Variants in MCM3 observed in about 807,000 individuals in gnomAD.
The protein encoded by MCM3 is minichromosome maintenance complex component 3.
A neutral mutation model predicts 91.3 loss-of-function variants in MCM3; 59 were observed. The ratio of observed to expected loss-of-function variants is 0.65; its 90% CI spans 0.52 to 0.80. MCM3 has a LOEUF of 0.80. MCM3 is among the 30% of genes least tolerant of loss of function. The probability of loss-of-function intolerance (pLI) is 0.00; values close to 1 mark genes in which losing one functional copy is unlikely to be tolerated. For synonymous variants in MCM3, 383 were observed against 379.6 expected, an observed-to-expected ratio of 1.01 and a Z score of -0.10; for missense variants, 919 against 1,035.4, an observed-to-expected ratio of 0.89 and a Z score of 1.54.
intron 5 of MCM3, 42 bp downstream of exon 5, chr6:52,279,319 G>T: frequency 1.4e-6 from 2 of 1,480,298 alleles, no homozygotes; most frequent in Non-Finnish European, 1.9e-6. Context: ...AGAAATGGAA[G>T]CTGTCAACAG....
chr6:52,279,689 T>A, intron 4 of MCM3, 90 bp from the exon 5 acceptor site: 1 of 973,694 alleles, frequency 1.0e-6, no homozygotes. Flanking sequence ...GATGACTTCA[T>A]AAAATTTTAT....
intron 9 of MCM3, among the ~76,000 whole-genome samples, chr6:52,275,041 G>A (rs1765443926): frequency 6.6e-6 from 1 of 152,146 alleles, no homozygotes; most frequent in South Asian, 2.1e-4. Context: ...TAGGATTACA[G>A]GCATGAGACA....
intron 12 of MCM3, 57 bp downstream of exon 12, chr6:52,272,244 C>T: frequency 6.5e-7 from 1 of 1,543,804 alleles, no homozygotes; most frequent in Non-Finnish European, 8.8e-7. Flanking sequence ...ATAGCAGGGA[C>T]TCCTGCCCAG....
At chr6:52,281,760 G>A (rs559749104) in intron 4 of MCM3, among the ~76,000 whole-genome samples, 37 of 152,080 alleles carry the variant, frequency 2.4e-4, no homozygotes, top group African/African-American at 7.5e-4. Context: ...CTTGAGCCCC[G>A]GAGTTTGCAA....
chr6:52,271,984 AAG>A (rs1192303577), intron 12 of MCM3, among the ~76,000 whole-genome samples: 1 of 152,164 alleles, frequency 6.6e-6, no homozygotes, highest in African/African-American at 2.4e-5. Context: ...GCTCTTTGAA[AAG>A]AGTGTTTATT....
intron 10 of MCM3, 70 bp from the exon 11 acceptor site, chr6:52,273,426 A>T (rs1034947327): frequency 2.0e-6 from 3 of 1,510,062 alleles, no homozygotes; most frequent in Non-Finnish European, 2.7e-6. Context: ...CTTCTTCTAT[A>T]GCACAAGAAG....
intron 13 of MCM3, among the ~76,000 whole-genome samples, chr6:52,268,856 G>A (rs1764861160): frequency 1.3e-5 from 2 of 152,134 alleles, no homozygotes; most frequent in Admixed American, 6.5e-5. Context: ...GAATCTCTAG[G>A]AGCCCTGGAA....
At chr6:52,276,749 A>T (rs1342576226) in intron 8 of MCM3, among the ~76,000 whole-genome samples, 1 of 152,226 alleles carries the variant, frequency 6.6e-6, no homozygotes, top group African/African-American at 2.4e-5. Flanking sequence ...CTCAACCTCA[A>T]GTAATACCCC....
intron 16 of MCM3, chr6:52,265,108 G>A (rs561527783): frequency 2.6e-6 from 1 of 384,162 alleles, no homozygotes; most frequent in East Asian, 5.9e-5. Context: ...CCCATTTCTA[G>A]GAACTCACCT....
intron 4 of MCM3, among the ~76,000 whole-genome samples, chr6:52,280,387 C>A (rs986485123): frequency 6.6e-6 from 1 of 152,226 alleles, no homozygotes; most frequent in Non-Finnish European, 1.5e-5. Flanking sequence ...TGAGTGTTTG[C>A]TATGTGCCAG....
Position 52,279,443 on chromosome 6 carries a change from T to C in MCM3, c.688A>G (p.Lys230Glu), listed in dbSNP as rs1178461835. Residue 230 changes from lysine (K) to glutamate (E), a missense_variant, in exon 5 of 17, where the codon AAG (lysine) becomes GAG (glutamate). This residue lies in a region of MCM3 where 401 missense variants were observed against 402.7 expected (regional missense o/e 1.00). Transcript: ENST00000596288. The part of the protein sequence containing the change: ...ILDDDLVDKA[K>E]PGDRVQVVGT... ...ACCACCTGAACCCGGTCACCAGGCT[T>C]CGCTTTATCCACCAAGTCATCATCC... The C allele has an allele frequency of 6.2e-7, 1 of 1,614,058 alleles. No individual in the cohort carries two copies. The highest frequency in any genetic ancestry group is 8.5e-7 in the Non-Finnish European group (1 of 1,180,046).
chr6:52,269,691 T>C (rs1377636455), intron 12 of MCM3, among the ~76,000 whole-genome samples: 40 of 152,204 alleles, frequency 2.6e-4, no homozygotes, highest in Admixed American at 2.6e-3. Flanking sequence ...AAAGAAGTAA[T>C]CTGAGGACAA....
chr6:52,281,878 G>A (rs965345970), intron 4 of MCM3, among the ~76,000 whole-genome samples, 167 bp downstream of exon 4: 1 of 152,058 alleles, frequency 6.6e-6, no homozygotes, highest in Non-Finnish European at 1.5e-5. Flanking sequence ...AAGAATTGTG[G>A]GCTTTTCATA....
rs775481501 is a variant in MCM3 at position 52,279,418 on chromosome 6, A to T, written c.713T>A (p.Val238Glu). ...KAKPGDRVQV[V>E]GTYRCLPGKK... is the part of the protein sequence containing the mutation. Reference sequence around the variant, plus strand: ...TCCAGGAAGGCAACGGTAGGTTCCCACCACCTGAACCCGGTCACCAGGCTT... The same window carrying T: ...TCCAGGAAGGCAACGGTAGGTTCCCTCCACCTGAACCCGGTCACCAGGCTT... Residue 238 changes from valine (V) to glutamate (E), a missense_variant, in exon 5 of 17, where the codon GTG becomes GAG. By Grantham distance (121) the Val-to-Glu change is moderately radical. Around this residue, in one of 3 missense-constraint regions of MCM3, gnomAD observed 401 missense variants for 402.7 expected, o/e 1.00. Coordinates refer to ENST00000596288, the MANE Select transcript of MCM3 (RefSeq NM_002388.6). 4.3e-6 allele frequency: 7 copies of T among 1,614,136 alleles called. No homozygotes were observed. The highest frequency in any genetic ancestry group is 5.1e-6 in the Non-Finnish European group (6 of 1,180,036).
In MCM3 at chr6:52,279,363, G is replaced by C. The variant is rs571085704; in HGVS notation, c.768C>G (p.Phe256Leu). The change falls in exon 5 of 17, where the codon TTC (phenylalanine) becomes TTG (leucine). Residue 256 changes from phenylalanine to leucine, a missense_variant and splice_region_variant. By Grantham distance (22) the Phe-to-Leu change is conservative (BLOSUM62 0). Around this residue, in one of 3 missense-constraint regions of MCM3, gnomAD observed 401 missense variants for 402.7 expected, o/e 1.00. Transcript: ENST00000596288. ...GKKGGYTSGT[F>L]RTVLIACNVK... is the part of the protein sequence containing the mutation. The stretch of plus-strand genomic sequence containing the variant: ...ATACTTTAAGGCAGACCCTTTACCT[G>C]AAGGTCCCAGAGGTGTAGCCTCCCT... 85 of 1,612,514 alleles carry C rather than the reference G, an allele frequency of 5.3e-5. 1 individual carries two copies. In the South Asian group the frequency reaches 9.1e-4, roughly 17 times the overall value.
chr6:52,264,434 C>G lies in MCM3; in HGVS notation c.*154G>C. ...CATGACCCATTCCCAAAGGGTCCAC[C>G]GAGTCCTGAACTCAGCTTCATCACC... On this transcript the variant is annotated 3_prime_UTR_variant, in exon 17 of 17. Coordinates refer to ENST00000596288, the MANE Select transcript of MCM3 (RefSeq NM_002388.6). The G allele has an allele frequency of 2.6e-6, 2 of 765,840 alleles. No homozygotes were observed. The highest frequency in any genetic ancestry group is 4.2e-6 in the Non-Finnish European group (2 of 472,584). The allele number at this position is 765,840 out of a possible 1,614,324, so 47.4% of individuals were successfully genotyped here. A position where few individuals can be genotyped will look rare whatever the true frequency, so the allele number is the denominator to read the frequency against.
At chr6:52,277,026 GCT>G in intron 8 of MCM3, 39 bp downstream of exon 8, 1 of 1,592,958 alleles carries the variant, frequency 6.3e-7, no homozygotes, top group Non-Finnish European at 8.6e-7. Context: ...CTATGCTCAG[GCT>G]CTCTGCTGGG....
intron 1 of MCM3, 119 bp downstream of exon 1, chr6:52,284,478 G>T: frequency 1.2e-6 from 1 of 862,426 alleles, no homozygotes; most frequent in Non-Finnish European, 1.7e-6. Flanking sequence ...GGAGGCTCGG[G>T]CCCGGCAGGC....
At chr6:52,264,985 G>A (rs892999174) in intron 16 of MCM3, among the ~76,000 whole-genome samples, 199 bp from the exon 17 acceptor site, 1 of 152,172 alleles carries the variant, frequency 6.6e-6, no homozygotes, top group African/African-American at 2.4e-5. Flanking sequence ...ACTAGCGTGT[G>A]GGAAATTGGC....
Sources: gnomAD v4.1 joint callset for allele counts (sites outside exome capture counted in the v4.1 genomes callset) on GRCh38, gnomAD v4.1.1 for gene constraint, gnomAD v4.1.1 regional missense constraint, MANE v1.5 for transcripts, NCBI Gene and HGNC (gene_info 2026-07-23, HGNC 2026-07-21) for gene names.